The following DMD variants were observed in gnomAD, a reference collection of about 807,000 sequenced individuals.
DMD encodes dystrophin.
In DMD, 63 loss-of-function variants were observed where a neutral mutation model predicts 330.1. The ratio of observed to expected loss-of-function variants is 0.19; its 90% CI spans 0.16 to 0.24. DMD has a LOEUF of 0.24. Ranked by LOEUF, DMD falls within the 10% of genes least tolerant of loss-of-function variation. The pLI is 1.00. For synonymous variants in DMD, 1,223 were observed against 959.8 expected, an observed-to-expected ratio of 1.27 and a Z score of -5.07; for missense variants, 3,344 against 2,684.1, an observed-to-expected ratio of 1.25 and a Z score of -5.43.
At chrX:31,723,012 A>C (rs1032710607) in intron 52 of DMD, among the ~76,000 whole-genome samples, 3 of 108,509 alleles carry the variant, frequency 2.8e-5, no homozygotes, top group Non-Finnish European at 3.8e-5. Flanking sequence ...GCACCACTGC[A>C]CTCCAGCCTG....
intron 45 of DMD, among the ~76,000 whole-genome samples, chrX:31,961,970 G>A (rs2095310750): frequency 9.1e-6 from 1 of 110,356 alleles, no homozygotes; most frequent in African/African-American, 3.3e-5. Flanking sequence ...AATTGCAAGT[G>A]TATACCAGAG....
rs186783888 is a variant in DMD, at chrX:31,126,756, G to T, written c.11015-83C>A. The T allele has an allele frequency of 1.0e-3, 636 of 616,163 alleles. 9 individuals carry two copies. The East Asian group carries it at 0.023, about 22-fold the overall frequency. The allele number at this position is 616,163 out of a possible 1,213,427, so 50.8% of individuals were successfully genotyped here. On this transcript the variant is annotated intron_variant, in intron 77 of 78. Coordinates refer to ENST00000357033, the MANE Select transcript of DMD (RefSeq NM_004006.3). ...TAAATATACAATTTCATACCAATTT[G>T]CTTCTTTTACCAAACAAATGTTGAG...
chrX:31,863,999 T>C (rs2093755377), intron 48 of DMD, among the ~76,000 whole-genome samples: 1 of 111,322 alleles, frequency 9.0e-6, no homozygotes, highest in South Asian at 3.7e-4. Context: ...GTAGACATTA[T>C]ATTGCAATGG....
chrX:31,343,501 T>C (rs1251072948), intron 61 of DMD, among the ~76,000 whole-genome samples: 2 of 111,487 alleles, frequency 1.8e-5, no homozygotes, highest in East Asian at 5.6e-4. Context: ...GTGAATTCTT[T>C]TTTTTAGTAA....
intron 55 of DMD, among the ~76,000 whole-genome samples, chrX:31,571,316 T>C (rs772196707): frequency 9.6e-6 from 1 of 103,859 alleles, no homozygotes; most frequent in South Asian, 4.4e-4. Flanking sequence ...CTTTTAAACA[T>C]TACAGTATTC....
chrX:32,016,153 C>T (rs1293906), intron 44 of DMD, among the ~76,000 whole-genome samples: 31,130 of 111,042 alleles, frequency 0.28, 4,471 homozygotes, highest in African/African-American at 0.56. Context: ...GTCATGAAAT[C>T]TTAAAGAAGA....
At chrX:31,775,575 G>C (rs1297682863) in intron 50 of DMD, among the ~76,000 whole-genome samples, 1 of 111,058 alleles carries the variant, frequency 9.0e-6, no homozygotes, top group Non-Finnish European at 1.9e-5. Flanking sequence ...GAAGATTGGT[G>C]GCAAAATTAT....
intron 52 of DMD, among the ~76,000 whole-genome samples, chrX:31,691,026 G>A (rs970992007): frequency 9.1e-6 from 1 of 110,245 alleles, no homozygotes; most frequent in Non-Finnish European, 1.9e-5. Context: ...TAAATGACAA[G>A]TTAATGGGTG....
intron 44 of DMD, among the ~76,000 whole-genome samples, chrX:32,127,801 C>A (rs763885952): frequency 1.8e-5 from 2 of 112,326 alleles, no homozygotes; most frequent in South Asian, 7.3e-4. Context: ...TGTGAGGTAG[C>A]TTTGAAAGTA....
At chrX:31,552,411 G>A (rs1243171553) in intron 55 of DMD, among the ~76,000 whole-genome samples, 1 of 111,440 alleles carries the variant, frequency 9.0e-6, no homozygotes, top group African/African-American at 3.3e-5. Flanking sequence ...GGGCTCAAGA[G>A]ATCCTCCCGC....
chrX:31,808,778 G>A (rs2092369562), intron 50 of DMD, among the ~76,000 whole-genome samples: 2 of 110,259 alleles, frequency 1.8e-5, no homozygotes, highest in African/African-American at 6.6e-5. Context: ...AAAGGAAAAG[G>A]GCATATTTTA....
At chrX:31,323,507 C>CT (rs1238826118) in intron 62 of DMD, 91 bp downstream of exon 62, 2 of 762,666 alleles carry the variant, frequency 2.6e-6, no homozygotes, top group Non-Finnish European at 4.0e-6. Context: ...GTAGGCCAGG[C>CT]TAATGTCGCA....
At chrX:33,244,540 G>C (rs773225967) in intron 1 of DMD, among the ~76,000 whole-genome samples, 3 of 111,846 alleles carry the variant, frequency 2.7e-5, no homozygotes, top group Non-Finnish European at 5.7e-5. Flanking sequence ...CTCTGAGTTT[G>C]CAAGTTTAGT....
At chrX:31,214,937 C>CTTTTTTCTTTTTTTTTTTTTTTTTTTTTT (rs1556299261) in intron 64 of DMD, among the ~76,000 whole-genome samples, 19 of 38,102 alleles carry the variant, frequency 5.0e-4, no homozygotes, top group African/African-American at 4.6e-4. Flanking sequence ...TTTCTTTTTT[C>CTTTTTTCTTTTTTTTTTTTTTTTTTTTTT]TTTTTTTTTT....
At chrX:32,463,709 T>G in intron 24 of DMD, 115 bp from the exon 25 acceptor site, 1 of 653,402 alleles carries the variant, frequency 1.5e-6, no homozygotes, top group Non-Finnish European at 2.1e-6. Context: ...TGGATTTTTG[T>G]CTTTTAAAAT....
intron 30 of DMD, among the ~76,000 whole-genome samples, chrX:32,408,853 TTTTC>T (rs1392558545): frequency 2.9e-5 from 3 of 103,954 alleles, no homozygotes; most frequent in African/African-American, 7.0e-5. Flanking sequence ...TATTCCTTTC[TTTTC>T]TTTCTTTCAT....
At chrX:32,654,339 T>G (rs1176052558) in intron 9 of DMD, among the ~76,000 whole-genome samples, 2 of 111,733 alleles carry the variant, frequency 1.8e-5, no homozygotes, top group African/African-American at 6.5e-5. Flanking sequence ...ATACCTAATT[T>G]ATTGAGAGTT....
At chrX:32,418,175 C>A (rs910597520) in intron 29 of DMD, among the ~76,000 whole-genome samples, 7 of 111,487 alleles carry the variant, frequency 6.3e-5, no homozygotes, top group South Asian at 3.7e-4. Flanking sequence ...ATGGCGCCAT[C>A]TACCTGGATG....
At chrX:31,542,644 C>T (rs1054050586) in intron 55 of DMD, among the ~76,000 whole-genome samples, 5 of 112,095 alleles carry the variant, frequency 4.5e-5, no homozygotes, top group African/African-American at 1.6e-4. Context: ...GTGAAAGTGT[C>T]AGGGAAGATG....
Sources: gnomAD v4.1 joint callset for allele counts (sites outside exome capture counted in the v4.1 genomes callset) on GRCh38, gnomAD v4.1.1 for gene constraint, MANE v1.5 for transcripts, NCBI Gene and HGNC (gene_info 2026-07-23, HGNC 2026-07-21) for gene names.